Variants in SH3GL2 observed in about 807,000 individuals in gnomAD.
SH3GL2 encodes the protein SH3 domain containing GRB2 like 2, endophilin A1.
SH3GL2 carries 24 observed loss-of-function variants against 46.0 expected under a neutral mutation model. The ratio of observed to expected loss-of-function variants is 0.52; its 90% confidence interval spans 0.38 to 0.73. The LOEUF is 0.73. SH3GL2 is among the 30% of genes least tolerant of loss of function. SH3GL2 has a pLI of 0.00. For missense variants in SH3GL2, 413 were observed against 424.2 expected (o/e 0.97, Z 0.23); for synonymous variants, 196 against 147.1 (o/e 1.33, Z -2.40).
intron 8 of SH3GL2, 40 bp from the exon 9 acceptor site, chr9:17,795,504 C>A: frequency 6.5e-7 from 1 of 1,544,042 alleles, no homozygotes; most frequent in South Asian, 1.1e-5. Context: ...TACCCCTTAT[C>A]CTTTTGTGTT....
At chr9:17,759,480 G>C (rs1823106513) in intron 2 of SH3GL2, among the ~76,000 whole-genome samples, 1 of 152,120 alleles carries the variant, frequency 6.6e-6, no homozygotes, top group Non-Finnish European at 1.5e-5. Flanking sequence ...AAGAGCTTTT[G>C]CTTTCAAGAA....
intron 1 of SH3GL2, among the ~76,000 whole-genome samples, chr9:17,707,786 C>A (rs1355610228): frequency 6.6e-6 from 1 of 151,982 alleles, no homozygotes; most frequent in Non-Finnish European, 1.5e-5. Flanking sequence ...AAGCACGGTC[C>A]CTTACATAAG....
chr9:17,645,563 C>T lies in SH3GL2; in HGVS notation c.45+66276C>T, dbSNP rs529733630. 7.9e-5 allele frequency among the ~76,000 whole-genome samples: 12 copies of T among 152,164 alleles called. No homozygotes were observed. In the South Asian group the frequency reaches 2.5e-3, roughly 32 times the overall value. On this transcript the variant is annotated intron_variant, in intron 1 of 8. Transcript: ENST00000380607. ...CCTTCAGGAGTTCTTGTAAGGCAGG[C>T]CTGATGGTGACATAACCTCTCAGCA...
chr9:17,643,089 G>T (rs1308832250), intron 1 of SH3GL2, among the ~76,000 whole-genome samples: 1 of 152,144 alleles, frequency 6.6e-6, no homozygotes, highest in Non-Finnish European at 1.5e-5. Context: ...AGTTCTCCTT[G>T]AAGAGGTCCT....
chr9:17,779,924 A>T (rs1823754882), intron 3 of SH3GL2, among the ~76,000 whole-genome samples: 1 of 152,096 alleles, frequency 6.6e-6, no homozygotes, highest in African/African-American at 2.4e-5. Context: ...TCTTTATCTC[A>T]CATTTGTATC....
At chr9:17,658,440 G>T (rs555827089) in intron 1 of SH3GL2, among the ~76,000 whole-genome samples, 1 of 152,166 alleles carries the variant, frequency 6.6e-6, no homozygotes, top group South Asian at 2.1e-4. Context: ...ATTCTGCTGG[G>T]TCATCACATT....
intron 1 of SH3GL2, among the ~76,000 whole-genome samples, chr9:17,646,542 C>T (rs1819822565): frequency 6.6e-6 from 1 of 152,042 alleles, no homozygotes; most frequent in African/African-American, 2.4e-5. Context: ...GTGTCAGTGA[C>T]CTTTGGATGG....
intron 2 of SH3GL2, chr9:17,755,879 T>C (rs1822973937): frequency 2.1e-6 from 1 of 475,386 alleles, no homozygotes; most frequent in Admixed American, 6.4e-5. Flanking sequence ...TCTAGTCATT[T>C]CCATGCCTTC....
intron 1 of SH3GL2, among the ~76,000 whole-genome samples, chr9:17,674,261 T>TTTTA (rs965883895): frequency 3.9e-5 from 6 of 152,156 alleles, no homozygotes; most frequent in Admixed American, 2.0e-4. Flanking sequence ...ATGTGTGTGA[T>TTTTA]TTTATTTATT....
intron 1 of SH3GL2, among the ~76,000 whole-genome samples, chr9:17,738,919 A>G (rs1448171038): frequency 6.6e-6 from 1 of 152,084 alleles, no homozygotes; most frequent in Non-Finnish European, 1.5e-5. Context: ...GATGTTAACC[A>G]TTTTCACAAA....
chr9:17,771,472 C>T (rs1312226519), intron 3 of SH3GL2, among the ~76,000 whole-genome samples: 1 of 152,176 alleles, frequency 6.6e-6, no homozygotes, highest in Non-Finnish European at 1.5e-5. Context: ...TTTAGAAATC[C>T]CACTGCAGGA....
chr9:17,596,871 A>G (rs1818580226), intron 1 of SH3GL2, among the ~76,000 whole-genome samples: 1 of 152,162 alleles, frequency 6.6e-6, no homozygotes, highest in Non-Finnish European at 1.5e-5. Context: ...GTCTAGCAAG[A>G]TCCACTGGAC....
At chr9:17,689,710 C>T (rs987656469) in intron 1 of SH3GL2, among the ~76,000 whole-genome samples, 3 of 152,020 alleles carry the variant, frequency 2.0e-5, no homozygotes, top group African/African-American at 7.2e-5. Context: ...TCATGTATAT[C>T]GTTTATTTCA....
At chr9:17,646,668 T>TC (rs201429591) in intron 1 of SH3GL2, among the ~76,000 whole-genome samples, 4,046 of 152,280 alleles carry the variant, frequency 0.027, 77 homozygotes, top group Middle Eastern at 0.058. Flanking sequence ...GGGGGGCCAC[T>TC]CCAGGCCCTG....
At chr9:17,691,515 G>T (rs1319282075) in intron 1 of SH3GL2, among the ~76,000 whole-genome samples, 8 of 152,054 alleles carry the variant, frequency 5.3e-5, no homozygotes, top group Non-Finnish European at 1.0e-4. Context: ...TTTTGTCAGG[G>T]TTTATAACGT....
Position 17,780,212 on chromosome 9 carries a change from A to G in SH3GL2, c.188-6169A>G, listed in dbSNP as rs183931394. Among the ~76,000 whole-genome samples the G allele has an allele frequency of 3.3e-5, 5 of 152,278 alleles. No homozygotes were observed. In the East Asian group the frequency reaches 5.8e-4, roughly 18 times the overall value. On this transcript the variant is annotated intron_variant, in intron 3 of 8. Transcript: ENST00000380607. ...GAAACTGAACATTGTCAACATCCCA[A>G]AACCTCCTTCCACAGATCCTAGCTG...
In SH3GL2 at chr9:17,791,348, C is replaced by T. The variant is rs1301376423; in HGVS notation, c.728+14C>T. On this transcript the variant is annotated intron_variant, in intron 7 of 8. Coordinates refer to ENST00000380607, the MANE Select transcript of SH3GL2 (RefSeq NM_003026.5). Reference sequence around the variant, plus strand: ...ACTGGAAGAAAGGTATTCTACAGTTCCCTGCATTTCACATTTGCATTTTAT... The same window carrying T: ...ACTGGAAGAAAGGTATTCTACAGTTTCCTGCATTTCACATTTGCATTTTAT... 6.7e-7 allele frequency: 1 copy of T among 1,490,250 alleles called. No individual in the cohort carries two copies. The highest frequency in any genetic ancestry group is 1.1e-5 in the South Asian group (1 of 88,562). The allele number at this position is 1,490,250 out of a possible 1,614,324, so 92.3% of individuals were successfully genotyped here. A position where few individuals can be genotyped will look rare whatever the true frequency, so the allele number is the denominator to read the frequency against.
rs534391161 is a variant in SH3GL2, at chr9:17,750,512, C to T, written c.114+3378C>T. ...CCTGAGCTGATTGGATAGAATCCTG[C>T]GGCTGTGCTGTCTCTGTAGGATCCC... On this transcript the variant is annotated intron_variant, in intron 2 of 8. Coordinates refer to ENST00000380607, the MANE Select transcript of SH3GL2 (RefSeq NM_003026.5). Among the ~76,000 whole-genome samples the T allele has an allele frequency of 2.2e-4, 33 of 152,130 alleles. No homozygotes were observed. In the South Asian group the frequency reaches 3.1e-3, roughly 14 times the overall value.
At chr9:17,764,393 C>T (rs1168406697) in intron 3 of SH3GL2, among the ~76,000 whole-genome samples, 1 of 152,212 alleles carries the variant, frequency 6.6e-6, no homozygotes, top group Admixed American at 6.5e-5. Flanking sequence ...GTTAGGCAGA[C>T]ACCCAGAGAG....
Sources: gnomAD v4.1 joint callset for allele counts (sites outside exome capture counted in the v4.1 genomes callset) on GRCh38, gnomAD v4.1.1 for gene constraint, MANE v1.5 for transcripts, NCBI Gene and HGNC (gene_info 2026-07-23, HGNC 2026-07-21) for gene names.